The following UBAP2 variants were observed in gnomAD, a reference collection of about 807,000 sequenced individuals.
UBAP2 encodes the protein ubiquitin-associated protein 2.
UBAP2 carries 75 observed loss-of-function variants against 139.6 expected under a neutral mutation model. The ratio of observed to expected loss-of-function variants is 0.54; its 90% CI spans 0.45 to 0.65. The LOEUF is 0.65. Ranked by LOEUF, UBAP2 falls within the 30% of genes least tolerant of loss-of-function variation. The pLI, the probability that UBAP2 is intolerant of heterozygous loss-of-function variation, is 0.00. For missense variants in UBAP2, 1,368 were observed against 1,369.6 expected, an observed-to-expected ratio of 1.00 and a Z score of 0.02; for synonymous variants, 526 against 526.2, an observed-to-expected ratio of 1.00 and a Z score of 0.01.
intron 1 of UBAP2, among the ~76,000 whole-genome samples, chr9:34,041,356 T>C (rs1827061892): frequency 6.7e-6 from 1 of 150,166 alleles, no homozygotes; most frequent in Non-Finnish European, 1.5e-5. Context: ...TCCCAGCTAC[T>C]TGGGAGGCTG....
At chr9:34,021,367 T>C (rs1824926456) in intron 1 of UBAP2, among the ~76,000 whole-genome samples, 1 of 152,214 alleles carries the variant, frequency 6.6e-6, no homozygotes, top group Non-Finnish European at 1.5e-5. Context: ...TTAAAACTTT[T>C]TACTGCATTT....
intron 6 of UBAP2, among the ~76,000 whole-genome samples, chr9:33,976,629 G>A (rs1828368385): frequency 6.6e-6 from 1 of 152,166 alleles, no homozygotes; most frequent in African/African-American, 2.4e-5. Context: ...GCACAACTTG[G>A]TGAATATACT....
chr9:33,953,552 T>C (rs1826283070), intron 11 of UBAP2, 78 bp from the exon 12 acceptor site: 25 of 1,394,012 alleles, frequency 1.8e-5, no homozygotes, highest in Non-Finnish European at 2.4e-5. Flanking sequence ...TCAATCAATA[T>C]ATAGTGAATT....
chr9:34,035,295 GA>G (rs1207417451), intron 1 of UBAP2, among the ~76,000 whole-genome samples: 2 of 151,426 alleles, frequency 1.3e-5, no homozygotes, highest in Non-Finnish European at 2.9e-5. Context: ...CTGAGGTCAG[GA>G]GTTCAAGACC....
In UBAP2 at chr9:34,048,442, G is replaced by C. The variant is rs189911605; in HGVS notation, c.-42+383C>G. 2.6e-5 allele frequency among the ~76,000 whole-genome samples: 4 copies of C among 152,320 alleles called. No homozygotes were observed. The East Asian group carries it at 5.8e-4, about 22-fold the overall frequency. On this transcript the variant is annotated intron_variant, in intron 1 of 28. Coordinates refer to ENST00000379238, the MANE Select transcript of UBAP2 (RefSeq NM_001370062.2). ...GGGCGTGAAAGCGGAAAGGTGATGA[G>C]ATGGGACCGACAGCGTGGCGGGGAA...
chr9:33,975,522 G>A (rs1828258632), intron 6 of UBAP2, among the ~76,000 whole-genome samples: 1 of 151,658 alleles, frequency 6.6e-6, no homozygotes, highest in African/African-American at 2.4e-5. Context: ...AATGGGGCCA[G>A]GTGCAGCGGC....
chr9:33,961,586 G>C (rs960323311), intron 9 of UBAP2, among the ~76,000 whole-genome samples: 11 of 152,110 alleles, frequency 7.2e-5, no homozygotes, highest in Admixed American at 5.9e-4. Flanking sequence ...ATTGTTTACA[G>C]CATGTATGAA....
At chr9:33,935,754 G>T in intron 17 of UBAP2, 85 bp downstream of exon 17, 1 of 1,498,066 alleles carries the variant, frequency 6.7e-7, no homozygotes, top group Non-Finnish European at 9.3e-7. Flanking sequence ...TTGACCAACT[G>T]GTGTTTTCCA....
At chr9:33,981,408 T>C (rs1820747170) in intron 6 of UBAP2, among the ~76,000 whole-genome samples, 1 of 149,450 alleles carries the variant, frequency 6.7e-6, no homozygotes, top group Non-Finnish European at 1.5e-5. Flanking sequence ...AAGGCTGGAG[T>C]GTAGTGGCAC....
At chr9:33,931,625 A>G (rs192056946) in intron 19 of UBAP2, among the ~76,000 whole-genome samples, 46 of 152,328 alleles carry the variant, frequency 3.0e-4, no homozygotes, top group Admixed American at 1.1e-3. Flanking sequence ...GTTTTATGAT[A>G]AAAGATTCTG....
At chr9:33,952,749 A>G (rs1430782755) in intron 12 of UBAP2, 1 of 154,648 alleles carries the variant, frequency 6.5e-6, no homozygotes, top group African/African-American at 2.4e-5. Context: ...TTGACAAACC[A>G]TAAAAAAATT....
chr9:34,010,427 T>TAAAA (rs57695373), intron 2 of UBAP2, among the ~76,000 whole-genome samples: 48 of 108,250 alleles, frequency 4.4e-4, no homozygotes, highest in Admixed American at 9.3e-4. Flanking sequence ...CTCTGCCTCA[T>TAAAA]AAAAAAAAAA....
At chr9:33,957,493 T>C (rs1385337749) in intron 10 of UBAP2, among the ~76,000 whole-genome samples, 1 of 152,226 alleles carries the variant, frequency 6.6e-6, no homozygotes, top group Non-Finnish European at 1.5e-5. Context: ...GAATTTTAAA[T>C]GAAATCATAA....
rs531561281 is a variant in UBAP2, at chr9:34,040,142, A to G, written c.-42+8683T>C. Among the ~76,000 whole-genome samples, 25 of 142,590 alleles carry G rather than the reference A, an allele frequency of 1.8e-4. No individual in the cohort carries two copies. In the South Asian group the frequency reaches 3.8e-3, roughly 22 times the overall value. The allele number at this position is 142,590 out of a possible 152,430, so 93.5% of individuals were successfully genotyped here. On this transcript the variant is annotated intron_variant, in intron 1 of 28. Transcript: ENST00000379238. ...CCATTGCACACTAGCCTGGGCGACA[A>G]GGGCTAGACTCCGTCTCAAAAAAAA...
At chr9:33,992,670 A>G (rs955933557) in intron 4 of UBAP2, among the ~76,000 whole-genome samples, 18 of 148,890 alleles carry the variant, frequency 1.2e-4, no homozygotes, top group African/African-American at 4.4e-4. Context: ...GGGGGGGGGC[A>G]CAAATAGGGA....
intron 1 of UBAP2, among the ~76,000 whole-genome samples, chr9:34,044,134 A>G (rs1340316322): frequency 6.7e-6 from 1 of 149,576 alleles, no homozygotes; most frequent in Non-Finnish European, 1.5e-5. Context: ...GCGGTGACTC[A>G]CGCCTGTAAT....
At chr9:33,989,494 C>T (rs1821517140) in intron 4 of UBAP2, among the ~76,000 whole-genome samples, 2 of 152,088 alleles carry the variant, frequency 1.3e-5, no homozygotes, top group South Asian at 4.1e-4. Flanking sequence ...AGCCACCGCG[C>T]CCGGCACATG....
At chr9:34,045,076 C>T (rs986673734) in intron 1 of UBAP2, among the ~76,000 whole-genome samples, 2 of 151,076 alleles carry the variant, frequency 1.3e-5, no homozygotes, top group Admixed American at 6.6e-5. Flanking sequence ...GGCTGGGCGC[C>T]GTGGCTCACC....
chr9:33,943,380 G>A (rs73477267), intron 15 of UBAP2, 40 bp downstream of exon 15: 2 of 1,598,890 alleles, frequency 1.3e-6, no homozygotes, highest in African/African-American at 1.3e-5. Context: ...ATCTCTCTTA[G>A]GGTCTATTTT....
Sources: gnomAD v4.1 joint callset for allele counts (sites outside exome capture counted in the v4.1 genomes callset) on GRCh38, gnomAD v4.1.1 for gene constraint, MANE v1.5 for transcripts, NCBI Gene and HGNC (gene_info 2026-07-23, HGNC 2026-07-21) for gene names.